The following COL25A1 variants were observed in gnomAD, a reference collection of about 807,000 sequenced individuals.
COL25A1 encodes collagen alpha-1(XXV) chain.
Under a neutral mutation model 128.4 loss-of-function variants are expected in COL25A1, and 103 were observed. The observed-to-expected ratio is 0.80, with a 90% CI of 0.68 to 0.94. COL25A1 has a LOEUF of 0.94. COL25A1 is among the 40% of genes least tolerant of loss of function. The pLI is 0.00. For missense variants in COL25A1, 745 were observed against 840.0 expected, an observed-to-expected ratio of 0.89 and a Z score of 1.40; for synonymous variants, 279 against 277.2, an observed-to-expected ratio of 1.01 and a Z score of -0.06.
intron 5 of COL25A1, chr4:109,022,035 G>T (rs1757816611): frequency 2.1e-5 from 8 of 387,714 alleles, no homozygotes; most frequent in South Asian, 1.3e-4. Context: ...AGAAACATGT[G>T]ATCTTCACTC....
chr4:108,831,107 A>ATT (rs79120484), intron 32 of COL25A1, among the ~76,000 whole-genome samples: 1 of 150,240 alleles, frequency 6.7e-6, no homozygotes, highest in African/African-American at 2.4e-5. Flanking sequence ...TCCTTCATGC[A>ATT]TTTTTTTTTC....
chr4:108,998,884 A>C (rs1755052390), intron 6 of COL25A1, among the ~76,000 whole-genome samples: 1 of 152,232 alleles, frequency 6.6e-6, no homozygotes, highest in Non-Finnish European at 1.5e-5. Context: ...CTATTTAATA[A>C]ATGGTGCTGG....
intron 5 of COL25A1, among the ~76,000 whole-genome samples, chr4:109,013,850 C>T (rs1035239722): frequency 2.6e-5 from 4 of 152,110 alleles, no homozygotes; most frequent in Non-Finnish European, 4.4e-5. Flanking sequence ...CATGAGAATC[C>T]GTGGCTTCAT....
intron 3 of COL25A1, among the ~76,000 whole-genome samples, chr4:109,297,343 C>T (rs545176504): frequency 6.6e-6 from 1 of 152,056 alleles, no homozygotes; most frequent in African/African-American, 2.4e-5. Flanking sequence ...GAAAAGGAGT[C>T]ACATAATTAA....
intron 3 of COL25A1, among the ~76,000 whole-genome samples, chr4:109,100,670 C>T (rs535756811): frequency 6.6e-6 from 1 of 152,240 alleles, no homozygotes; most frequent in South Asian, 2.1e-4. Flanking sequence ...TTCTTTAACA[C>T]CTTTAACACC....
intron 3 of COL25A1, among the ~76,000 whole-genome samples, chr4:109,149,614 T>C (rs931633165): frequency 1.3e-5 from 2 of 152,210 alleles, no homozygotes; most frequent in Non-Finnish European, 2.9e-5. Flanking sequence ...GGTTGCGACA[T>C]GTAAACGAGT....
chr4:109,130,100 A>C (rs572605811), intron 3 of COL25A1, among the ~76,000 whole-genome samples: 1 of 151,940 alleles, frequency 6.6e-6, no homozygotes, highest in South Asian at 2.1e-4. Context: ...AATTTATTAA[A>C]TCCATCTTTC....
chr4:109,248,565 A>C (rs1265323292), intron 3 of COL25A1, among the ~76,000 whole-genome samples: 1 of 152,108 alleles, frequency 6.6e-6, no homozygotes, highest in Admixed American at 6.5e-5. Context: ...GCATCTTCCT[A>C]TTTTCATAAA....
chr4:108,878,308 G>A (rs921473278), intron 19 of COL25A1, among the ~76,000 whole-genome samples: 2 of 151,528 alleles, frequency 1.3e-5, no homozygotes, highest in Admixed American at 6.6e-5. Context: ...TATTACCCCC[G>A]AGAAGATCCA....
chr4:109,153,115 GTGGCTCATGCCTGTAATCCCAGCACTT>G (rs1771674674), intron 3 of COL25A1, among the ~76,000 whole-genome samples: 1 of 152,174 alleles, frequency 6.6e-6, no homozygotes, highest in South Asian at 2.1e-4. Flanking sequence ...GCCGGGCGCA[GTGGCTCATGCCTGTAATCCCAGCACTT>G]TGGGAGGCCG....
At chr4:108,921,901 C>T (rs1310143592) in intron 11 of COL25A1, among the ~76,000 whole-genome samples, 1 of 152,174 alleles carries the variant, frequency 6.6e-6, no homozygotes, top group African/African-American at 2.4e-5. Flanking sequence ...TTAAAATTCT[C>T]CCTGTTTTAG....
intron 3 of COL25A1, among the ~76,000 whole-genome samples, chr4:109,113,088 C>T (rs111479007): frequency 1.4e-3 from 220 of 152,182 alleles, no homozygotes; most frequent in African/African-American, 4.8e-3. Flanking sequence ...AAGGCTTCTA[C>T]ACCGGAGAGA....
intron 3 of COL25A1, among the ~76,000 whole-genome samples, chr4:109,261,703 CTTTTTTT>C (rs200946861): frequency 6.9e-6 from 1 of 144,392 alleles, no homozygotes; most frequent in Admixed American, 6.9e-5. Flanking sequence ...TTTCTTTTTT[CTTTTTTT>C]TTTTTGAGAC....
At position 109,091,953 on chromosome 4, in the gene COL25A1, C is replaced by T. The variant is rs116543776; in HGVS notation, c.368-41774G>A. 9.3e-3 allele frequency among the ~76,000 whole-genome samples: 1,414 copies of T among 152,238 alleles called. 25 individuals are homozygous for T. The highest frequency in any genetic ancestry group is 0.032 in the African/African-American group (1,336 of 41,540). ...TAGCAGCAAGACCAAAGCCGAGAGA[C>T]GCAGACTCTTAAAACATTTATGACA... On this transcript the variant is annotated intron_variant, in intron 3 of 37. Coordinates refer to ENST00000399132, the MANE Select transcript of COL25A1 (RefSeq NM_198721.4).
intron 19 of COL25A1, among the ~76,000 whole-genome samples, chr4:108,882,538 T>A (rs1740258423): frequency 6.6e-6 from 1 of 152,296 alleles, no homozygotes; most frequent in East Asian, 1.9e-4. Flanking sequence ...AATAAATAGT[T>A]TTTAAATTTT....
intron 3 of COL25A1, among the ~76,000 whole-genome samples, chr4:109,259,639 C>T (rs949823586): frequency 1.3e-5 from 2 of 152,170 alleles, no homozygotes; most frequent in African/African-American, 2.4e-5. Context: ...CACAGTCTTA[C>T]CAAGACTTGT....
chr4:109,074,746 G>T (rs1324233062), intron 3 of COL25A1, among the ~76,000 whole-genome samples: 1 of 152,044 alleles, frequency 6.6e-6, no homozygotes, highest in South Asian at 2.1e-4. Flanking sequence ...GGCATTCAAT[G>T]GAATCATACA....
At chr4:109,069,566 C>G (rs1462904928) in intron 3 of COL25A1, among the ~76,000 whole-genome samples, 1 of 152,128 alleles carries the variant, frequency 6.6e-6, no homozygotes, top group Non-Finnish European at 1.5e-5. Context: ...CATCAGGGAC[C>G]ATGATCATTT....
intron 5 of COL25A1, among the ~76,000 whole-genome samples, chr4:109,014,130 A>T (rs1756978414): frequency 1.3e-5 from 2 of 152,114 alleles, no homozygotes; most frequent in African/African-American, 2.4e-5. Context: ...AATATGGTGA[A>T]ACCCCGTCTC....
Sources: gnomAD v4.1 joint callset for allele counts (sites outside exome capture counted in the v4.1 genomes callset) on GRCh38, gnomAD v4.1.1 for gene constraint, MANE v1.5 for transcripts, NCBI Gene and HGNC (gene_info 2026-07-23, HGNC 2026-07-21) for gene names.